The following GPHN variants were observed in gnomAD, a reference collection of about 807,000 sequenced individuals.
GPHN encodes the protein gephyrin.
GPHN carries 17 observed loss-of-function variants against 95.5 expected under a neutral mutation model. The ratio of observed to expected loss-of-function variants is 0.18; its 90% confidence interval spans 0.12 to 0.27. The LOEUF is 0.27. Ranked by LOEUF, GPHN falls within the 10% of genes least tolerant of loss-of-function variation. The pLI, the probability that GPHN is intolerant of heterozygous loss-of-function variation, is 1.00. For synonymous variants in GPHN, 320 were observed against 322.5 expected (o/e 0.99, Z 0.08); for missense variants, 660 against 978.1 (o/e 0.67, Z 4.34).
At chr14:67,220,224 T>C in the GPHN span, among the ~76,000 whole-genome samples, 4 of 152,114 alleles carry the variant, frequency 2.6e-5, no homozygotes, top group African/African-American at 9.7e-5. Flanking sequence ...TGGCTTGGGC[T>C]CAGGAGCTCA....
chr14:67,108,795 C>A (rs1403464162), intron 13 of GPHN, among the ~76,000 whole-genome samples: 1 of 147,088 alleles, frequency 6.8e-6, no homozygotes, highest in Non-Finnish European at 1.5e-5. Flanking sequence ...AAAATAACAA[C>A]AATGACAAAA....
At chr14:67,195,848 A>G in the GPHN span, among the ~76,000 whole-genome samples, 2 of 151,868 alleles carry the variant, frequency 1.3e-5, no homozygotes, top group African/African-American at 4.8e-5. Context: ...GGTTCAAGCA[A>G]TTCTCCTGCC....
intron 11 of GPHN, among the ~76,000 whole-genome samples, chr14:67,063,599 T>A (rs937916732): frequency 6.6e-6 from 1 of 152,352 alleles, no homozygotes; most frequent in Admixed American, 6.5e-5. Context: ...TGTCCTCTTT[T>A]ATTTCATTGA....
chr14:67,577,495 C>T, the GPHN span: 1 of 876,802 alleles, frequency 1.1e-6, no homozygotes, highest in East Asian at 2.6e-5. Flanking sequence ...TTGGGGACAA[C>T]CCACAGAGGG....
intron 1 of GPHN, among the ~76,000 whole-genome samples, chr14:66,657,404 T>G (rs1164370539): frequency 6.6e-6 from 1 of 152,210 alleles, no homozygotes; most frequent in Non-Finnish European, 1.5e-5. Context: ...CTAAAATCAT[T>G]GATGAATCTT....
the GPHN span, among the ~76,000 whole-genome samples, chr14:67,300,318 T>G: frequency 7.6e-4 from 114 of 149,064 alleles, 4 homozygotes; most frequent in South Asian, 0.024. Flanking sequence ...ATTACTGGGT[T>G]CCTGTATTAT....
chr14:67,143,467 C>G lies in GPHN; in HGVS notation c.1836+18C>G, dbSNP rs957412039. ...GGGAAAAGGTATGAAAGATAGGGCT[C>G]GTGAAAATGTATCTGCTGTAATGTT... On this transcript the variant is annotated intron_variant, in intron 18 of 22. Coordinates refer to ENST00000478722, the MANE Select transcript of GPHN (RefSeq NM_020806.5). 3 of 1,395,034 alleles carry G rather than the reference C, an allele frequency of 2.2e-6. No individual in the cohort carries two copies. The South Asian group carries it at 3.5e-5, about 16-fold the overall frequency. 86.4% of individuals were successfully genotyped at this position (1,395,034 alleles called of 1,614,324 possible).
chr14:67,616,861 C>T, the GPHN span: 2 of 151,802 alleles, frequency 1.3e-5, no homozygotes, highest in Admixed American at 1.3e-4. Context: ...TCTTTTATTT[C>T]TATTTTTATT....
intron 1 of GPHN, among the ~76,000 whole-genome samples, chr14:66,599,989 C>A (rs868227537): frequency 1.3e-5 from 2 of 151,916 alleles, no homozygotes; most frequent in African/African-American, 4.8e-5. Context: ...AACATATAAT[C>A]TTCTGTTAAT....
intron 3 of GPHN, among the ~76,000 whole-genome samples, chr14:66,820,330 C>A (rs547237783): frequency 1.3e-5 from 2 of 152,006 alleles, no homozygotes; most frequent in Admixed American, 1.3e-4. Flanking sequence ...CTGGAACTTG[C>A]ACAGAAAAAA....
the GPHN span, among the ~76,000 whole-genome samples, chr14:67,431,733 A>G: frequency 6.6e-6 from 1 of 152,004 alleles, no homozygotes; most frequent in African/African-American, 2.4e-5. Flanking sequence ...AACAGCGGCA[A>G]AAAAGGTTGG....
rs562203744 is a variant in GPHN, at chr14:67,037,690, T to A, written c.1006+14015T>A. The stretch of plus-strand genomic sequence containing the variant: ...GATATACAAATGGCCAACACACATA[T>A]GAAAAGCTGCTCAATGTCACTAATC... On this transcript the variant is annotated intron_variant, in intron 10 of 22. Coordinates refer to ENST00000478722, the MANE Select transcript of GPHN (RefSeq NM_020806.5). Among the ~76,000 whole-genome samples the A allele has an allele frequency of 4.2e-4, 63 of 151,312 alleles. 1 individual carries two copies. Among genetic ancestry groups the A allele is most frequent in the Non-Finnish European group, 6.1e-4 (41 of 67,754 alleles).
At chr14:66,686,085 T>G (rs2067338969) in intron 2 of GPHN, among the ~76,000 whole-genome samples, 1 of 152,212 alleles carries the variant, frequency 6.6e-6, no homozygotes, top group Admixed American at 6.5e-5. Flanking sequence ...CTGAGGGCTC[T>G]GTTCTGTTCC....
At chr14:66,780,723 G>A (rs2059574744) in intron 3 of GPHN, among the ~76,000 whole-genome samples, 1 of 152,096 alleles carries the variant, frequency 6.6e-6, no homozygotes, top group Non-Finnish European at 1.5e-5. Context: ...TGCTTTCAAA[G>A]TACTCAAAGA....
At chr14:67,382,820 A>C in the GPHN span, 6 of 538,682 alleles carry the variant, frequency 1.1e-5, no homozygotes, top group East Asian at 1.3e-4. Context: ...GCATGTCTAA[A>C]ATTTGATCTC....
the GPHN span, among the ~76,000 whole-genome samples, chr14:67,313,475 T>C: frequency 9.9e-5 from 15 of 152,208 alleles, no homozygotes; most frequent in Middle Eastern, 3.2e-3. Flanking sequence ...AATGTTGTTA[T>C]GCAGTGCATG....
intron 9 of GPHN, among the ~76,000 whole-genome samples, chr14:67,022,275 T>A (rs2073669553): frequency 6.6e-6 from 1 of 152,020 alleles, no homozygotes; most frequent in Non-Finnish European, 1.5e-5. Context: ...TGTAATTCCA[T>A]ACTTTATTTT....
Position 66,627,306 on chromosome 14 carries a change from A to C in GPHN, c.65-53801A>C, listed in dbSNP as rs567787820. On this transcript the variant is annotated intron_variant, in intron 1 of 22. Transcript: ENST00000478722. The stretch of plus-strand genomic sequence containing the variant: ...TACTCTTTTTCTCACATCCAGAATA[A>C]ATGTAGTCTTGTTTTACGTATCTTA... 2.0e-5 allele frequency among the ~76,000 whole-genome samples: 3 copies of C among 152,096 alleles called. No homozygotes were observed. In the East Asian group the frequency reaches 5.8e-4, roughly 29 times the overall value.
rs570758648 is a variant in GPHN, at chr14:67,064,521, T to A, written c.1144+5735T>A. Among the ~76,000 whole-genome samples the A allele has an allele frequency of 3.9e-5, 6 of 152,302 alleles. No individual in the cohort carries two copies. In the East Asian group the frequency reaches 1.2e-3, roughly 29 times the overall value. On this transcript the variant is annotated intron_variant, in intron 11 of 22. Coordinates refer to ENST00000478722, the MANE Select transcript of GPHN (RefSeq NM_020806.5). ...TCAGAAGGAATGATACCAACTCCTC[T>A]TTGTACCTCTCGTAGAATTTGGCTG...
Sources: gnomAD v4.1 joint callset for allele counts (sites outside exome capture counted in the v4.1 genomes callset) on GRCh38, gnomAD v4.1.1 for gene constraint, MANE v1.5 for transcripts, NCBI Gene and HGNC (gene_info 2026-07-23, HGNC 2026-07-21) for gene names.